The following DLG5 variants were observed in gnomAD, a reference collection of about 807,000 sequenced individuals.
DLG5 encodes discs large MAGUK scaffold protein 5.
A neutral mutation model predicts 189.8 loss-of-function variants in DLG5; 48 were observed. The observed-to-expected ratio is 0.25, with a 90% CI of 0.20 to 0.32. The LOEUF is 0.32. Ranked by LOEUF, DLG5 falls within the 10% of genes least tolerant of loss-of-function variation. The pLI is 1.00. For missense variants in DLG5, 2,160 were observed against 2,544.7 expected, an observed-to-expected ratio of 0.85 and a Z score of 3.25; for synonymous variants, 1,016 against 1,054.1, an observed-to-expected ratio of 0.96 and a Z score of 0.70.
chr10:77,908,281 C>T (rs2131826551), intron 1 of DLG5, among the ~76,000 whole-genome samples: 1 of 152,348 alleles, frequency 6.6e-6, no homozygotes, highest in Non-Finnish European at 1.5e-5. Context: ...CTCCTAGCAA[C>T]TCACAGACAG....
chr10:77,923,043 G>C (rs1247916572), intron 1 of DLG5, among the ~76,000 whole-genome samples: 1 of 152,218 alleles, frequency 6.6e-6, no homozygotes, highest in Non-Finnish European at 1.5e-5. Flanking sequence ...TGCCAGTGGG[G>C]GATGGGCATT....
chr10:77,820,390 G>C (rs907605831), intron 15 of DLG5: 7 of 174,886 alleles, frequency 4.0e-5, no homozygotes, highest in Non-Finnish European at 6.0e-5. Context: ...CGCTTGAGCA[G>C]CTCTGCAAGC....
chr10:77,899,457 T>C (rs1845860444), intron 1 of DLG5, among the ~76,000 whole-genome samples: 2 of 152,232 alleles, frequency 1.3e-5, no homozygotes, highest in Admixed American at 1.3e-4. Flanking sequence ...ACTCTCTCTA[T>C]GCCTCAGTTC....
chr10:77,892,974 C>G (rs1845653933), intron 1 of DLG5, among the ~76,000 whole-genome samples: 1 of 152,258 alleles, frequency 6.6e-6, no homozygotes, highest in Admixed American at 6.5e-5. Context: ...GGGAGAATGG[C>G]AAGGCCAGTA....
chr10:77,872,701 A>C (rs1277725198), intron 1 of DLG5, among the ~76,000 whole-genome samples: 3 of 152,234 alleles, frequency 2.0e-5, no homozygotes, highest in Non-Finnish European at 2.9e-5. Context: ...AAGGCAAAAG[A>C]AGCCACTGTC....
chr10:77,904,099 T>G (rs1362512743), intron 1 of DLG5, among the ~76,000 whole-genome samples: 1 of 152,110 alleles, frequency 6.6e-6, no homozygotes, highest in East Asian at 1.9e-4. Context: ...GAGGATAACT[T>G]GAGTCCAAGA....
chr10:77,851,425 C>A (rs1843970179), intron 5 of DLG5, among the ~76,000 whole-genome samples: 1 of 152,144 alleles, frequency 6.6e-6, no homozygotes. Flanking sequence ...AAGAGCACCA[C>A]CCCCACCTCC....
chr10:77,889,107 G>C (rs1845531433), intron 1 of DLG5, among the ~76,000 whole-genome samples: 1 of 132,018 alleles, frequency 7.6e-6, no homozygotes. Flanking sequence ...GGCCTCACAA[G>C]CCCACAGGTA....
chr10:77,796,549 G>A lies in DLG5; in HGVS notation c.5210C>T (p.Thr1737Ile), dbSNP rs756110744. The A allele has an allele frequency of 2.5e-6, 4 of 1,614,014 alleles. No individual in the cohort carries two copies. The highest frequency in any genetic ancestry group is 3.4e-6 in the Non-Finnish European group (4 of 1,180,038). The change falls in exon 28 of 32, where the codon ACC becomes ATC. Residue 1737 changes from threonine to isoleucine, a missense_variant. By Grantham distance (89) the Thr-to-Ile change is moderately conservative (BLOSUM62 -1). Coordinates refer to ENST00000372391, the MANE Select transcript of DLG5 (RefSeq NM_004747.4). This position sits in a 1 kb window ranked among gnomAD's most constrained non-coding sequence, Gnocchi z 5.2. ...AYQRVQKVDC[T>I]ALRPVLILGP... Reference sequence around the variant, plus strand: ...CAGAATCAGGACAGGCCTCAGAGCGGTGCAGTCCACCTTCTGGACCCGCTG... The same window carrying A: ...CAGAATCAGGACAGGCCTCAGAGCGATGCAGTCCACCTTCTGGACCCGCTG...
chr10:77,798,919 C>G, intron 27 of DLG5, among the ~76,000 whole-genome samples: 1 of 152,160 alleles, frequency 6.6e-6, no homozygotes, highest in Admixed American at 6.5e-5. Flanking sequence ...TGGATGAAAA[C>G]AGTGTAATGC....
intron 7 of DLG5, among the ~76,000 whole-genome samples, chr10:77,839,119 C>G (rs1002281176): frequency 6.6e-6 from 1 of 152,230 alleles, no homozygotes; most frequent in Non-Finnish European, 1.5e-5. Context: ...CATTGCTGGA[C>G]GCCAGCACCA....
chr10:77,916,182 T>C (rs560726275), intron 1 of DLG5, among the ~76,000 whole-genome samples: 1 of 152,200 alleles, frequency 6.6e-6, no homozygotes, highest in Non-Finnish European at 1.5e-5. Flanking sequence ...ATCATGCCAC[T>C]GCACTCAGCC....
chr10:77,798,916 A>G (rs1011089070), intron 27 of DLG5, among the ~76,000 whole-genome samples: 2 of 152,210 alleles, frequency 1.3e-5, no homozygotes, highest in African/African-American at 4.8e-5. Context: ...ACCTGGATGA[A>G]AACAGTGTAA....
intron 1 of DLG5, among the ~76,000 whole-genome samples, chr10:77,888,688 C>T (rs1845517725): frequency 6.6e-6 from 1 of 152,160 alleles, no homozygotes; most frequent in Admixed American, 6.5e-5. Context: ...ACACCGTGTG[C>T]CAAGCAAATG....
the DLG5 span, among the ~76,000 whole-genome samples, chr10:77,938,097 C>T: frequency 6.6e-6 from 1 of 151,952 alleles, no homozygotes; most frequent in African/African-American, 2.4e-5. Context: ...AACACCTGTT[C>T]GGTTCACCTC....
At position 77,926,030 on chromosome 10, in the gene DLG5, G is replaced by C. The variant is rs1246580735; in HGVS notation, c.304+187C>G. On this transcript the variant is annotated intron_variant, in intron 1 of 31. Coordinates refer to ENST00000372391, the MANE Select transcript of DLG5 (RefSeq NM_004747.4). The surrounding 1 kb of genome is among the most constrained non-coding windows in gnomAD (Gnocchi z 5.2). The stretch of plus-strand genomic sequence containing the variant: ...CGGGGGGCATTGTTCACAGCGAACG[G>C]CGGGACTGGGGGAGGCGGCGGGACT... 2.6e-5 allele frequency among the ~76,000 whole-genome samples: 4 copies of C among 152,214 alleles called. No individual in the cohort carries two copies. Among genetic ancestry groups the C allele is most frequent in the Non-Finnish European group, 4.4e-5 (3 of 68,036 alleles).
At position 77,790,897 on chromosome 10, in the gene DLG5, T is replaced by C. The variant is rs145990343; in HGVS notation, c.*1543A>G. On this transcript the variant is annotated 3_prime_UTR_variant, in exon 32 of 32. Coordinates refer to ENST00000372391, the MANE Select transcript of DLG5 (RefSeq NM_004747.4). ...AGTCTGTCAGCTCAGTACCTGTCTG[T>C]GCACACTGTACCATCTCAGTCCCAC... The C allele has an allele frequency of 5.5e-4, 84 of 152,374 alleles. No homozygotes were observed. The highest frequency in any genetic ancestry group is 1.9e-3 in the African/African-American group (81 of 41,588). The allele number at this position is 152,374 out of a possible 1,614,324, so 9.4% of individuals were successfully genotyped here. A position where few individuals can be genotyped will look rare whatever the true frequency, so the allele number is the denominator to read the frequency against.
intron 29 of DLG5, 121 bp downstream of exon 29, chr10:77,795,940 A>C: frequency 6.9e-7 from 1 of 1,441,530 alleles, no homozygotes; most frequent in African/African-American, 1.4e-5. Flanking sequence ...GACTAACACA[A>C]CACGGTGGGC....
In DLG5 at chr10:77,821,322, G is replaced by C. The variant is rs765498875; in HGVS notation, c.3162C>G (p.Asp1054Glu). 6.2e-7 allele frequency: 1 copy of C among 1,613,198 alleles called. No individual in the cohort carries two copies. The highest frequency in any genetic ancestry group is 8.5e-7 in the Non-Finnish European group (1 of 1,180,042). ...CGTGCATGGGCTCCCCGGGGTCCAC[G>C]TCAGGGGGCAGGGCGCTCGGGGGAC... is the stretch of plus-strand genomic sequence containing the variant. ...STSPPSALPP[D>E]VDPGEPMHAS... is the part of the protein sequence containing the mutation. The change falls in exon 15 of 32, where the codon GAC (aspartate) becomes GAG (glutamate). Residue 1054 changes from aspartate (D) to glutamate (E), a missense_variant. Physicochemically the swap from Asp to Glu is conservative, Grantham distance 45. Coordinates refer to ENST00000372391, the MANE Select transcript of DLG5 (RefSeq NM_004747.4).
Sources: gnomAD v4.1 joint callset for allele counts (sites outside exome capture counted in the v4.1 genomes callset) on GRCh38, gnomAD v4.1.1 for gene constraint, Gnocchi (gnomAD v3.1) non-coding constraint, MANE v1.5 for transcripts, NCBI Gene and HGNC (gene_info 2026-07-23, HGNC 2026-07-21) for gene names.